GPRIN1: variants seen among roughly 807,000 people sequenced by gnomAD.
GPRIN1 encodes G protein regulated inducer of neurite outgrowth 1.
Under a neutral mutation model 2.8 loss-of-function variants are expected in GPRIN1, and 4 were observed. That is an observed-to-expected ratio of 1.45 (90% CI 0.71 to 3.32). The LOEUF (loss-of-function observed/expected upper bound fraction) is 3.32, where lower values mean the gene tolerates loss of function less well. GPRIN1 is among the 30% of genes most tolerant of loss of function. GPRIN1 has a pLI of 0.01. For missense variants in GPRIN1, 1,322 were observed against 1,343.4 expected, an observed-to-expected ratio of 0.98 and a Z score of 0.25; for synonymous variants, 589 against 589.9, an observed-to-expected ratio of 1.00 and a Z score of 0.02.
chr5:176,597,989 G>A lies in GPRIN1; in HGVS notation c.1846C>T (p.Pro616Ser). 2 of 1,614,052 alleles carry A rather than the reference G, an allele frequency of 1.2e-6. No homozygotes were observed. ...GGATCCGCCTTTGTGGTGGTAACAG[G>A]ACTCCCCTTCTCTAGAGGCAGAGAA... ...VGSLPLEKGS[P>S]VTTTKADPRA... Residue 616 changes from proline to serine, a missense_variant, in exon 2 of 2, where the codon CCT (proline) becomes TCT (serine). Pro to Ser is a moderately conservative substitution (Grantham distance 74). This residue lies in a region of GPRIN1 where 1,117 missense variants were observed against 1,128.6 expected (regional missense o/e 0.99). Transcript: ENST00000303991. This position sits in a 1 kb window ranked among gnomAD's most constrained non-coding sequence, Gnocchi z 6.1.
At position 176,602,358 on chromosome 5, in the gene GPRIN1, G is replaced by A. The variant is rs562062178; in HGVS notation, c.-43-2481C>T. On this transcript the variant is annotated intron_variant, in intron 1 of 1. Transcript: ENST00000303991. This position sits in a 1 kb window ranked among gnomAD's most constrained non-coding sequence, Gnocchi z 4.4. ...ACCATCTGACATATCACATATATTC[G>A]CTTATTGCTTGTGGTGTGTTGCTCT... Among the ~76,000 whole-genome samples the A allele has an allele frequency of 3.9e-5, 6 of 152,144 alleles. No homozygotes were observed. The highest frequency in any genetic ancestry group is 7.4e-5 in the Non-Finnish European group (5 of 68,018).
At chr5:176,609,892 C>A (rs1012284838) in intron 1 of GPRIN1, 107 bp downstream of exon 1, 1 of 151,204 alleles carries the variant, frequency 6.6e-6, no homozygotes, top group Non-Finnish European at 1.5e-5. Flanking sequence ...GCCCCGCCGC[C>A]GGGGGGCTTC....
rs763904167 is a variant in GPRIN1, at chr5:176,596,765, G to A, written c.*43C>T. ...CTAGGGGCCTGTGATCAAGAAGGGA[G>A]CCTGAGAAGGTCGGAAACTCGGGCG... On this transcript the variant is annotated 3_prime_UTR_variant, in exon 2 of 2. Coordinates refer to ENST00000303991, the MANE Select transcript of GPRIN1 (RefSeq NM_052899.3). The surrounding 1 kb of genome is among the most constrained non-coding windows in gnomAD (Gnocchi z 5.2). The A allele has an allele frequency of 7.2e-7, 1 of 1,385,146 alleles. No homozygotes were observed. The highest frequency in any genetic ancestry group is 1.7e-5 in the South Asian group (1 of 59,512). The allele number at this position is 1,385,146 out of a possible 1,614,324, so 85.8% of individuals were successfully genotyped here. A position where few individuals can be genotyped will look rare whatever the true frequency, so the allele number is the denominator to read the frequency against.
At chr5:176,607,012 G>A (rs1017014086) in intron 1 of GPRIN1, among the ~76,000 whole-genome samples, 1 of 152,246 alleles carries the variant, frequency 6.6e-6, no homozygotes, top group African/African-American at 2.4e-5. Context: ...GTAGAAAGAT[G>A]TGGGGTCAAG....
At position 176,598,930 on chromosome 5, in the gene GPRIN1, A is replaced by G; in HGVS notation, c.905T>C (p.Leu302Ser). The change falls in exon 2 of 2, where the codon TTG (leucine) becomes TCG (serine). Residue 302 changes from leucine to serine, a missense_variant. This residue lies in a region of GPRIN1 where 1,117 missense variants were observed against 1,128.6 expected (regional missense o/e 0.99). Coordinates refer to ENST00000303991, the MANE Select transcript of GPRIN1 (RefSeq NM_052899.3). ...TGTGGACGCAGAATCCATGCTTTCC[A>G]AGGGCATGGGATCTGCCTTTCCCGA... ...GPSGKADPMP[L>S]ESMDSASTGK... 6.2e-7 allele frequency: 1 copy of G among 1,614,008 alleles called. No homozygotes were observed. Among genetic ancestry groups the G allele is most frequent in the Non-Finnish European group, 8.5e-7 (1 of 1,179,938 alleles).
chr5:176,601,352 C>G (rs1275682189), intron 1 of GPRIN1, among the ~76,000 whole-genome samples: 2 of 152,222 alleles, frequency 1.3e-5, no homozygotes, highest in African/African-American at 4.8e-5. Flanking sequence ...CTAGCCCCTT[C>G]TCTGCAACAG....
At chr5:176,600,322 C>T (rs189711252) in intron 1 of GPRIN1, among the ~76,000 whole-genome samples, 6 of 152,108 alleles carry the variant, frequency 3.9e-5, no homozygotes, top group African/African-American at 9.6e-5. Flanking sequence ...AGGCTGGTTT[C>T]GAACTCCCGA....
chr5:176,597,213 C>A lies in GPRIN1; in HGVS notation c.2622G>T (p.Gly874=). The A allele has an allele frequency of 7.8e-7, 1 of 1,284,346 alleles. No individual in the cohort carries two copies. The allele number at this position is 1,284,346 out of a possible 1,614,324, so 79.6% of individuals were successfully genotyped here. Residue 874 remains glycine (G), a synonymous_variant, in exon 2 of 2, where the codon GGG becomes GGT. Coordinates refer to ENST00000303991, the MANE Select transcript of GPRIN1 (RefSeq NM_052899.3). This position sits in a 1 kb window ranked among gnomAD's most constrained non-coding sequence, Gnocchi z 6.1. ...GAAETRSVAT[G]PMTPQAAAPP... ...GCGCGGCGGCTTGAGGTGTCATGGG[C>A]CCAGTGGCCACGGAGCGCGTCTCGG...
chr5:176,600,437 C>T (rs1034529062), intron 1 of GPRIN1, among the ~76,000 whole-genome samples: 1 of 152,166 alleles, frequency 6.6e-6, no homozygotes, highest in Non-Finnish European at 1.5e-5. Flanking sequence ...TACTATCGCC[C>T]CTCTCTGTTC....
At chr5:176,607,348 GTCTT>G (rs1759235352) in intron 1 of GPRIN1, among the ~76,000 whole-genome samples, 1 of 152,128 alleles carries the variant, frequency 6.6e-6, no homozygotes, top group Non-Finnish European at 1.5e-5. Context: ...CACGCTCACT[GTCTT>G]TCTTTTTTTG....
Position 176,596,767 on chromosome 5 carries a change from C to A in GPRIN1, c.*41G>T. 2 of 1,390,060 alleles carry A rather than the reference C, an allele frequency of 1.4e-6. No homozygotes were observed. Among genetic ancestry groups the A allele is most frequent in the Non-Finnish European group, 1.9e-6 (2 of 1,070,768 alleles). The allele number at this position is 1,390,060 out of a possible 1,614,324, so 86.1% of individuals were successfully genotyped here. ...AGGGGCCTGTGATCAAGAAGGGAGC[C>A]TGAGAAGGTCGGAAACTCGGGCGTA... On this transcript the variant is annotated 3_prime_UTR_variant, in exon 2 of 2. Transcript: ENST00000303991. The surrounding 1 kb of genome is among the most constrained non-coding windows in gnomAD (Gnocchi z 5.2).
Position 176,597,456 on chromosome 5 carries a change from G to A in GPRIN1, c.2379C>T (p.Asn793=), listed in dbSNP as rs1478879588. The A allele has an allele frequency of 7.6e-7, 1 of 1,319,252 alleles. No homozygotes were observed. Among genetic ancestry groups the A allele is most frequent in the Non-Finnish European group, 9.6e-7 (1 of 1,038,470 alleles). The allele number at this position is 1,319,252 out of a possible 1,614,324, so 81.7% of individuals were successfully genotyped here. A position where few individuals can be genotyped will look rare whatever the true frequency, so the allele number is the denominator to read the frequency against. ...CCTCCCACGACGGCGCCTTGGTGAA[G>A]TTGTCGCGAGTCCGCGGCCCCGGCG... is the stretch of plus-strand genomic sequence containing the variant. ...APPPGPRTRD[N]FTKAPSWEAS... The change falls in exon 2 of 2, where the codon AAC becomes AAT. Residue 793 remains asparagine, a synonymous_variant. Transcript: ENST00000303991. The surrounding 1 kb of genome is among the most constrained non-coding windows in gnomAD (Gnocchi z 6.1).
chr5:176,606,466 G>A (rs1561889018), intron 1 of GPRIN1, among the ~76,000 whole-genome samples: 1 of 152,202 alleles, frequency 6.6e-6, no homozygotes, highest in Non-Finnish European at 1.5e-5. Context: ...AAGATTTCAT[G>A]TGACAGTAAG....
intron 1 of GPRIN1, among the ~76,000 whole-genome samples, chr5:176,609,213 A>C (rs774481234): frequency 1.3e-5 from 2 of 152,162 alleles, no homozygotes; most frequent in African/African-American, 4.8e-5. Context: ...CTGGGTACGC[A>C]AGGGACCCCA....
rs989457912 is a variant in GPRIN1, at chr5:176,602,687, T to C, written c.-43-2810A>G. On this transcript the variant is annotated intron_variant, in intron 1 of 1. Coordinates refer to ENST00000303991, the MANE Select transcript of GPRIN1 (RefSeq NM_052899.3). This position sits in a 1 kb window ranked among gnomAD's most constrained non-coding sequence, Gnocchi z 4.4. ...CCACCTCTAAGCATGGTCCTAAAGA[T>C]AGACCTGGGGTCCTGAAGATGGTCC... Among the ~76,000 whole-genome samples the C allele has an allele frequency of 6.6e-6, 1 of 152,194 alleles. No homozygotes were observed.
Position 176,597,510 on chromosome 5 carries a change from T to G in GPRIN1, c.2325A>C (p.Arg775Ser). 6.8e-7 allele frequency: 1 copy of G among 1,464,202 alleles called. No homozygotes were observed. Among genetic ancestry groups the G allele is most frequent in the Non-Finnish European group, 9.0e-7 (1 of 1,106,690 alleles). 90.7% of individuals were successfully genotyped at this position (1,464,202 alleles called of 1,614,324 possible). A position where few individuals can be genotyped will look rare whatever the true frequency, so the allele number is the denominator to read the frequency against. ...QKDLEAAGAERSPCPEAAAPP... is the reference protein window; with the variant it reads ...QKDLEAAGAESSPCPEAAAPP... ...GCGCTGCGGCCTCTGGGCAGGGGCT[T>G]CTCTCGGCCCCAGCGGCTTCCAGGT... The change falls in exon 2 of 2, where the codon AGA (arginine) becomes AGC (serine). Residue 775 changes from arginine (R) to serine (S), a missense_variant. Coordinates refer to ENST00000303991, the MANE Select transcript of GPRIN1 (RefSeq NM_052899.3). This position sits in a 1 kb window ranked among gnomAD's most constrained non-coding sequence, Gnocchi z 6.1.
rs1420177072 is a variant in GPRIN1, at chr5:176,599,215, C to A, written c.620G>T (p.Arg207Ile). Residue 207 changes from arginine (R) to isoleucine (I), a missense_variant, in exon 2 of 2, where the codon AGA (arginine) becomes ATA (isoleucine). Around this residue, in one of 3 missense-constraint regions of GPRIN1, gnomAD observed 1,117 missense variants for 1,128.6 expected, o/e 0.99. Transcript: ENST00000303991. ...TCCCAGGGATCCAAGATCTTCCTTT[C>A]TTACAGTCATGGGATCCATCCTTCC... Reference protein sequence around the residue: ...APGRMDPMTVRKEDLGSLGKV... With the variant: ...APGRMDPMTVIKEDLGSLGKV... The A allele has an allele frequency of 1.9e-6, 3 of 1,613,856 alleles. No homozygotes were observed. The highest frequency in any genetic ancestry group is 2.5e-6 in the Non-Finnish European group (3 of 1,179,992).
chr5:176,598,984 A>G lies in GPRIN1; in HGVS notation c.851T>C (p.Val284Ala). The G allele has an allele frequency of 6.2e-7, 1 of 1,613,990 alleles. No homozygotes were observed. Among genetic ancestry groups the G allele is most frequent in the South Asian group, 1.1e-5 (1 of 91,054 alleles). The stretch of plus-strand genomic sequence containing the variant: ...CCCAGGATCTCTCTTTCCCGACAAT[A>G]CAAGATCTACCTTTTCTGCAGATGT... ...APTSAEKVDLVLSGKRDPGPS... is the reference protein window; with the variant it reads ...APTSAEKVDLALSGKRDPGPS... Residue 284 changes from valine to alanine, a missense_variant, in exon 2 of 2, where the codon GTA becomes GCA. Physicochemically the swap from Val to Ala is moderately conservative, Grantham distance 64. Coordinates refer to ENST00000303991, the MANE Select transcript of GPRIN1 (RefSeq NM_052899.3).
chr5:176,603,971 G>A (rs1759185764), intron 1 of GPRIN1, among the ~76,000 whole-genome samples: 1 of 152,178 alleles, frequency 6.6e-6, no homozygotes, highest in Non-Finnish European at 1.5e-5. Context: ...TTCTAAAGGG[G>A]CAACGGCACT....
Sources: allele counts gnomAD v4.1 joint callset (sites outside exome capture counted in the v4.1 genomes callset), GRCh38; gene constraint gnomAD v4.1.1; regional missense constraint gnomAD v4.1.1; non-coding constraint Gnocchi (gnomAD v3.1); transcripts MANE v1.5; gene names NCBI Gene and HGNC (gene_info 2026-07-23, HGNC 2026-07-21).